Variants in TRPM3 observed in about 807,000 individuals in gnomAD.
The protein encoded by TRPM3 is long transient receptor potential channel 3.
In TRPM3, 77 loss-of-function variants were observed where a neutral mutation model predicts 181.2. The observed-to-expected ratio is 0.42, with a 90% CI of 0.35 to 0.51. TRPM3 has a LOEUF of 0.51. Among genes scored for constraint, TRPM3 ranks in the 20% least tolerant of loss-of-function variants. The probability of loss-of-function intolerance (pLI) is 0.01; values close to 1 mark genes in which losing one functional copy is unlikely to be tolerated. For missense variants in TRPM3, 1,759 were observed against 2,196.7 expected (o/e 0.80, Z 3.98); for synonymous variants, 745 against 796.4 (o/e 0.94, Z 1.09).
At position 70,620,212 on chromosome 9, in the gene TRPM3, G is replaced by A; in HGVS notation, c.1993C>T (p.Leu665=). The A allele has an allele frequency of 1.2e-6, 2 of 1,614,246 alleles. No individual in the cohort carries two copies. Among genetic ancestry groups the A allele is most frequent in the Non-Finnish European group, 1.7e-6 (2 of 1,180,046 alleles). The part of the protein sequence containing the change: ...AVLMKRQKMA[L]FFWQHGEEAM... ...TCCTCACCGTGCTGCCAGAAGAACAGGGCCATCTTCTGCCGCTTCATGAGA... is the reference window on the plus strand; with the variant it reads ...TCCTCACCGTGCTGCCAGAAGAACAAGGCCATCTTCTGCCGCTTCATGAGA... Residue 665 remains leucine, a synonymous_variant, in exon 16 of 26, where the codon CTG becomes TTG. Transcript: ENST00000677713.
At chr9:70,843,456 T>G (rs1352692696) in intron 4 of TRPM3, among the ~76,000 whole-genome samples, 6 of 152,330 alleles carry the variant, frequency 3.9e-5, no homozygotes, top group Non-Finnish European at 8.8e-5. Flanking sequence ...CATAATAATT[T>G]GTTAGTATGA....
intron 22 of TRPM3, among the ~76,000 whole-genome samples, chr9:70,576,208 T>A (rs1337365414): frequency 6.6e-6 from 1 of 152,204 alleles, no homozygotes; most frequent in Non-Finnish European, 1.5e-5. Flanking sequence ...ACCATATCAG[T>A]GTCATAGAAA....
chr9:70,671,017 C>T (rs778282762), intron 9 of TRPM3, among the ~76,000 whole-genome samples: 19 of 152,018 alleles, frequency 1.2e-4, no homozygotes, highest in Non-Finnish European at 2.1e-4. Context: ...TATTGAATTC[C>T]GACTCTATGC....
chr9:70,995,805 T>C (rs1285745396), intron 1 of TRPM3, among the ~76,000 whole-genome samples: 4 of 152,136 alleles, frequency 2.6e-5, no homozygotes. Context: ...GTCTGACCCA[T>C]ACATACAGAG....
intron 1 of TRPM3, among the ~76,000 whole-genome samples, chr9:71,210,630 C>A (rs993389105): frequency 6.6e-6 from 1 of 152,140 alleles, no homozygotes; most frequent in African/African-American, 2.4e-5. Flanking sequence ...TATCAAACAA[C>A]CTCAAGAGTA....
At chr9:70,629,330 G>A (rs531058689) in intron 12 of TRPM3, among the ~76,000 whole-genome samples, 2 of 148,112 alleles carry the variant, frequency 1.4e-5, no homozygotes, top group East Asian at 4.1e-4. Context: ...TCCGTTTTTT[G>A]TTTTGTTTTG....
chr9:70,595,353 A>AT (rs1392074646), intron 21 of TRPM3, among the ~76,000 whole-genome samples: 1 of 152,172 alleles, frequency 6.6e-6, no homozygotes, highest in Non-Finnish European at 1.5e-5. Context: ...ACAGAGGCCA[A>AT]TTTCATTCCC....
intron 1 of TRPM3, among the ~76,000 whole-genome samples, chr9:71,209,440 T>C (rs1044436933): frequency 2.0e-5 from 3 of 151,988 alleles, no homozygotes; most frequent in Admixed American, 6.6e-5. Context: ...TTCTTCTCTA[T>C]CAAATTAATT....
chr9:70,904,535 A>G (rs1032585385), intron 1 of TRPM3, among the ~76,000 whole-genome samples: 2 of 152,142 alleles, frequency 1.3e-5, no homozygotes, highest in Admixed American at 1.3e-4. Flanking sequence ...TCAGAGGCGG[A>G]TAAGTAGGGA....
At chr9:71,371,944 C>A (rs943366234) in intron 1 of TRPM3, among the ~76,000 whole-genome samples, 6 of 152,134 alleles carry the variant, frequency 3.9e-5, no homozygotes, top group Non-Finnish European at 7.4e-5. Context: ...AGGTATCAAG[C>A]CCAGCATAAG....
chr9:71,389,940 C>T (rs1214956884), intron 1 of TRPM3, among the ~76,000 whole-genome samples: 3 of 151,976 alleles, frequency 2.0e-5, no homozygotes, highest in Admixed American at 2.0e-4. Flanking sequence ...CCAAATACTA[C>T]CTGTACCCCA....
chr9:71,095,408 A>C (rs1334135769), intron 1 of TRPM3, among the ~76,000 whole-genome samples: 1 of 151,998 alleles, frequency 6.6e-6, no homozygotes, highest in East Asian at 1.9e-4. Context: ...AAGATCTTGC[A>C]GTTTCTTATG....
chr9:71,257,841 T>A (rs1366261321), intron 1 of TRPM3, among the ~76,000 whole-genome samples: 1 of 152,214 alleles, frequency 6.6e-6, no homozygotes, highest in Non-Finnish European at 1.5e-5. Flanking sequence ...GATATTTTGA[T>A]AACTGTTTTG....
intron 1 of TRPM3, among the ~76,000 whole-genome samples, chr9:71,431,767 A>C (rs1399616978): frequency 6.6e-6 from 1 of 152,224 alleles, no homozygotes; most frequent in Non-Finnish European, 1.5e-5. Flanking sequence ...CAGTGGAATG[A>C]TGATGAAAGA....
At chr9:70,741,860 A>G (rs2074175071) in intron 8 of TRPM3, among the ~76,000 whole-genome samples, 1 of 152,140 alleles carries the variant, frequency 6.6e-6, no homozygotes, top group African/African-American at 2.4e-5. Flanking sequence ...AAGGCTATAC[A>G]TTGGATACAG....
chr9:71,338,875 A>T (rs2090760181), intron 1 of TRPM3, among the ~76,000 whole-genome samples: 1 of 152,170 alleles, frequency 6.6e-6, no homozygotes, highest in African/African-American at 2.4e-5. Flanking sequence ...TCACCTTTTC[A>T]ATACTATTTA....
At chr9:70,669,552 G>T (rs2062510582) in intron 9 of TRPM3, among the ~76,000 whole-genome samples, 1 of 152,158 alleles carries the variant, frequency 6.6e-6, no homozygotes, top group Admixed American at 6.5e-5. Context: ...CCTGTGAAAT[G>T]CCATTGGAAC....
intron 9 of TRPM3, among the ~76,000 whole-genome samples, chr9:70,665,486 T>C (rs2061717421): frequency 6.6e-6 from 1 of 152,180 alleles, no homozygotes. Context: ...CACCAGGGTA[T>C]TTGCTTCATT....
chr9:71,331,734 A>G, intron 1 of TRPM3, among the ~76,000 whole-genome samples: 1 of 93,094 alleles, frequency 1.1e-5, no homozygotes. Flanking sequence ...AAGGAGGAGA[A>G]AAAGGAGGAG....
Sources: gnomAD v4.1 joint callset for allele counts (sites outside exome capture counted in the v4.1 genomes callset) on GRCh38, gnomAD v4.1.1 for gene constraint, MANE v1.5 for transcripts, NCBI Gene and HGNC (gene_info 2026-07-23, HGNC 2026-07-21) for gene names.